The following CNBD1 variants were observed in gnomAD, a reference collection of about 807,000 sequenced individuals.
The protein encoded by CNBD1 is cyclic nucleotide binding domain containing 1, also known as cyclic nucleotide-binding domain-containing protein 1.
A neutral mutation model predicts 54.4 loss-of-function variants in CNBD1; 71 were observed. That is an observed-to-expected ratio of 1.30 (90% CI 1.08 to 1.59). CNBD1 has a LOEUF of 1.59. CNBD1 is among the 40% of genes most tolerant of loss of function. The pLI, the probability that CNBD1 is intolerant of heterozygous loss-of-function variation, is 0.00. For synonymous variants in CNBD1, 182 were observed against 170.7 expected, an observed-to-expected ratio of 1.07 and a Z score of -0.51; for missense variants, 659 against 518.0, an observed-to-expected ratio of 1.27 and a Z score of -2.64.
chr8:87,208,169 C>T (rs1028636570), intron 5 of CNBD1, among the ~76,000 whole-genome samples: 1 of 152,150 alleles, frequency 6.6e-6, no homozygotes, highest in African/African-American at 2.4e-5. Context: ...TTCCACACAG[C>T]TGTTTGTACC....
At chr8:87,051,133 C>T (rs1810302498) in intron 4 of CNBD1, among the ~76,000 whole-genome samples, 1 of 152,246 alleles carries the variant, frequency 6.6e-6, no homozygotes, top group Non-Finnish European at 1.5e-5. Context: ...ATTAAAAAGG[C>T]ATGGATAAAA....
chr8:87,405,291 T>C (rs1807634052), intron 2 of CNBD1, among the ~76,000 whole-genome samples: 1 of 152,114 alleles, frequency 6.6e-6, no homozygotes, highest in African/African-American at 2.4e-5. Context: ...ATCAATAATA[T>C]GGTAAACTTT....
intron 5 of CNBD1, among the ~76,000 whole-genome samples, chr8:87,221,475 T>C (rs1004598198): frequency 6.6e-6 from 1 of 152,126 alleles, no homozygotes; most frequent in Non-Finnish European, 1.5e-5. Context: ...TTTCCTACTA[T>C]ACAAATATTT....
intron 10 of CNBD1, among the ~76,000 whole-genome samples, chr8:87,370,721 C>T (rs964843750): frequency 6.7e-6 from 1 of 149,484 alleles, no homozygotes; most frequent in East Asian, 2.0e-4. Context: ...TGCAGAAGCT[C>T]TTTAGTTTAA....
chr8:87,286,437 C>T (rs1236197745), intron 7 of CNBD1, 102 bp from the exon 8 acceptor site: 1 of 679,814 alleles, frequency 1.5e-6, no homozygotes, highest in African/African-American at 1.8e-5. Flanking sequence ...AACTTATATT[C>T]ATATGGCCTT....
At position 87,223,691 on chromosome 8, in the gene CNBD1, G is replaced by A. The variant is rs865832850; in HGVS notation, c.578-13228G>A. Among the ~76,000 whole-genome samples, 966 of 151,958 alleles carry A rather than the reference G, an allele frequency of 6.4e-3. 20 individuals are homozygous for A. Among genetic ancestry groups the A allele is most frequent in the African/African-American group, 0.023 (933 of 41,426 alleles). On this transcript the variant is annotated intron_variant, in intron 5 of 10. Transcript: ENST00000518476. ...AGTCTTTGCTATTGTGAATAATGCC[G>A]CAATAAACATACGTGTGCATGTGTC... is the stretch of plus-strand genomic sequence containing the variant.
chr8:87,315,069 C>A (rs927385116), intron 8 of CNBD1, among the ~76,000 whole-genome samples: 2 of 151,814 alleles, frequency 1.3e-5, no homozygotes, highest in Non-Finnish European at 2.9e-5. Flanking sequence ...TTTCAAAATA[C>A]TGAGAGATTG....
rs537626824 is a variant in CNBD1, at chr8:87,342,773, A to C, written c.1043-8912A>C. Among the ~76,000 whole-genome samples the C allele has an allele frequency of 7.4e-4, 112 of 152,256 alleles. 1 individual carries two copies. The highest frequency in any genetic ancestry group is 2.6e-3 in the African/African-American group (106 of 41,564). On this transcript the variant is annotated intron_variant, in intron 8 of 10. Coordinates refer to ENST00000518476, the MANE Select transcript of CNBD1 (RefSeq NM_173538.3). The stretch of plus-strand genomic sequence containing the variant: ...ACAGGGAGTAGGTCACAAGGATCAC[A>C]TGCTTCAAAGGGCCATAAAGATCAC...
chr8:87,074,781 G>A (rs1810834060), intron 4 of CNBD1, among the ~76,000 whole-genome samples: 1 of 152,158 alleles, frequency 6.6e-6, no homozygotes, highest in Non-Finnish European at 1.5e-5. Context: ...CCCAAGGTGA[G>A]AACCTGGATA....
chr8:86,893,307 T>G (rs1005436990), intron 2 of CNBD1, among the ~76,000 whole-genome samples: 1 of 152,212 alleles, frequency 6.6e-6, no homozygotes, highest in African/African-American at 2.4e-5. Context: ...GTACCTTCAC[T>G]AGGGAGCATT....
intron 4 of CNBD1, among the ~76,000 whole-genome samples, chr8:87,009,776 G>A (rs1809177692): frequency 6.6e-6 from 1 of 152,110 alleles, no homozygotes; most frequent in Non-Finnish European, 1.5e-5. Flanking sequence ...ATCTTCTGGT[G>A]ACAAATTCTC....
intron 6 of CNBD1, among the ~76,000 whole-genome samples, chr8:87,260,478 G>T (rs1255456590): frequency 1.3e-5 from 2 of 152,114 alleles, no homozygotes; most frequent in Non-Finnish European, 2.9e-5. Flanking sequence ...AAATGCACCA[G>T]ATTTATTACA....
chr8:87,420,085 A>G (rs886110981), intron 2 of CNBD1, among the ~76,000 whole-genome samples: 1 of 151,802 alleles, frequency 6.6e-6, no homozygotes, highest in African/African-American at 2.4e-5. Context: ...ACAATAACAA[A>G]GTGTTAATAT....
chr8:87,147,004 G>T (rs1014127205), intron 4 of CNBD1, among the ~76,000 whole-genome samples: 4 of 152,090 alleles, frequency 2.6e-5, no homozygotes, highest in African/African-American at 9.7e-5. Flanking sequence ...TCAGTTGCTT[G>T]TCTGCAAAAT....
intron 4 of CNBD1, among the ~76,000 whole-genome samples, chr8:87,032,157 T>C (rs1809809085): frequency 6.6e-6 from 1 of 152,234 alleles, no homozygotes. Context: ...GGTATGGATC[T>C]TGCCTAATCT....
At chr8:86,960,407 G>A (rs200529418) in intron 4 of CNBD1, among the ~76,000 whole-genome samples, 20 of 152,224 alleles carry the variant, frequency 1.3e-4, no homozygotes, top group Admixed American at 2.6e-4. Context: ...GTCTGAGATC[G>A]AACTGCAAGG....
At chr8:87,206,377 A>G (rs193088730) in intron 5 of CNBD1, among the ~76,000 whole-genome samples, 22 of 152,268 alleles carry the variant, frequency 1.4e-4, no homozygotes, top group African/African-American at 4.6e-4. Flanking sequence ...ATGACTCAGA[A>G]TTACCCAGTG....
At chr8:87,278,093 A>G (rs1433688587) in intron 6 of CNBD1, among the ~76,000 whole-genome samples, 1 of 151,642 alleles carries the variant, frequency 6.6e-6, no homozygotes, top group Non-Finnish European at 1.5e-5. Flanking sequence ...TGAAGAAGAG[A>G]GTTACTAAAC....
At chr8:87,140,910 T>C (rs1269263448) in intron 4 of CNBD1, among the ~76,000 whole-genome samples, 2 of 152,162 alleles carry the variant, frequency 1.3e-5, no homozygotes, top group Non-Finnish European at 2.9e-5. Flanking sequence ...CTTTCCATCA[T>C]TAAATAATAC....
Sources: allele counts gnomAD v4.1 joint callset (sites outside exome capture counted in the v4.1 genomes callset), GRCh38; gene constraint gnomAD v4.1.1; transcripts MANE v1.5; gene names NCBI Gene and HGNC (gene_info 2026-07-23, HGNC 2026-07-21).